Variants in MBTD1 observed in about 807,000 individuals in gnomAD.
MBTD1 encodes the protein MBT domain-containing protein 1.
A neutral mutation model predicts 87.8 loss-of-function variants in MBTD1; 24 were observed. The observed-to-expected ratio is 0.27, with a 90% CI of 0.20 to 0.38. The LOEUF is 0.38. Ranked by LOEUF, MBTD1 falls within the 10% of genes least tolerant of loss-of-function variation. MBTD1 has a pLI of 1.00. For synonymous variants in MBTD1, 237 were observed against 248.6 expected (o/e 0.95, Z 0.44); for missense variants, 436 against 760.2 (o/e 0.57, Z 5.02).
chr17:51,221,858 G>T (rs1405268667), intron 3 of MBTD1, among the ~76,000 whole-genome samples: 4 of 152,184 alleles, frequency 2.6e-5, no homozygotes, highest in Admixed American at 6.5e-5. Flanking sequence ...TTTGGTATCT[G>T]AGGGAAATCT....
At chr17:51,217,271 T>C (rs2052623082) in intron 6 of MBTD1, 63 bp downstream of exon 6, 2 of 915,876 alleles carry the variant, frequency 2.2e-6, no homozygotes, top group African/African-American at 1.7e-5. Context: ...TAGGTGTTAT[T>C]GTACCTTCAG....
In MBTD1 at chr17:51,219,067, A is replaced by T. The variant is rs1318391167; in HGVS notation, c.289-23T>A. ...ACCCTAAAACAAGAAAAGTTAAGTAAATAGGATTCTTTTTCATCCCCTCAC... is the reference window on the plus strand; with the variant it reads ...ACCCTAAAACAAGAAAAGTTAAGTATATAGGATTCTTTTTCATCCCCTCAC... On this transcript the variant is annotated intron_variant, in intron 4 of 16. Coordinates refer to ENST00000586178, the MANE Select transcript of MBTD1 (RefSeq NM_017643.3). 5.5e-6 allele frequency: 7 copies of T among 1,283,714 alleles called. No homozygotes were observed. In the African/African-American group the frequency reaches 1.0e-4, roughly 19 times the overall value. 79.5% of individuals were successfully genotyped at this position (1,283,714 alleles called of 1,614,324 possible).
At chr17:51,247,251 A>G (rs1423309596) in intron 2 of MBTD1, among the ~76,000 whole-genome samples, 1 of 152,206 alleles carries the variant, frequency 6.6e-6, no homozygotes, top group Non-Finnish European at 1.5e-5. Context: ...AGTATGGTGA[A>G]CTACATAAAT....
upstream of MBTD1, chr17:51,260,224 T>C (rs565805727): frequency 2.2e-5 from 9 of 416,952 alleles, no homozygotes; most frequent in South Asian, 3.7e-4. Flanking sequence ...TCAAGTCAAG[T>C]GGTTACAGCC....
At chr17:51,199,249 C>T (rs1044931169) in intron 12 of MBTD1, among the ~76,000 whole-genome samples, 1 of 151,632 alleles carries the variant, frequency 6.6e-6, no homozygotes, top group Admixed American at 6.6e-5. Flanking sequence ...GGTGCCTGGC[C>T]CCAGGCCCAG....
intron 2 of MBTD1, among the ~76,000 whole-genome samples, chr17:51,244,062 C>T (rs898004454): frequency 1.3e-5 from 2 of 152,288 alleles, no homozygotes; most frequent in East Asian, 3.9e-4. Flanking sequence ...CTGTATACTA[C>T]GTATTTCTCC....
intron 2 of MBTD1, among the ~76,000 whole-genome samples, chr17:51,230,942 G>GT (rs1393118312): frequency 4.0e-5 from 6 of 151,734 alleles, no homozygotes; most frequent in South Asian, 4.2e-4. Flanking sequence ...TATACTCATA[G>GT]TTTTTTTTGT....
intron 2 of MBTD1, 34 bp downstream of exon 2, chr17:51,259,109 T>G (rs1057310373): frequency 4.6e-6 from 2 of 437,656 alleles, no homozygotes; most frequent in Non-Finnish European, 7.6e-6. Flanking sequence ...CTCTCAGTGC[T>G]TTTAGGGGTG....
intron 2 of MBTD1, among the ~76,000 whole-genome samples, chr17:51,253,991 T>C (rs1303108100): frequency 6.6e-6 from 1 of 152,158 alleles, no homozygotes. Flanking sequence ...TCAATATGAG[T>C]AAACTCACCA....
In MBTD1 at chr17:51,193,411, C is replaced by T. The variant is rs780437287; in HGVS notation, c.1455+17G>A. ...ATTAATAAGTCCTCACATAATTATG[C>T]TGCCATTTAAATTTACCTTATTAAA... On this transcript the variant is annotated intron_variant, in intron 14 of 16. Transcript: ENST00000586178. 12 of 1,568,170 alleles carry T rather than the reference C, an allele frequency of 7.7e-6. No homozygotes were observed. In the African/African-American group the frequency reaches 1.5e-4, roughly 19 times the overall value.
intron 2 of MBTD1, among the ~76,000 whole-genome samples, chr17:51,233,750 A>T (rs183065849): frequency 1.1e-4 from 17 of 151,950 alleles, no homozygotes; most frequent in East Asian, 7.7e-4. Flanking sequence ...TTAATGATTT[A>T]AAAAAAAATT....
chr17:51,252,044 C>T (rs1448590076), intron 2 of MBTD1, among the ~76,000 whole-genome samples: 1 of 152,184 alleles, frequency 6.6e-6, no homozygotes, highest in African/African-American at 2.4e-5. Context: ...GGATTACAGG[C>T]ATGAGCCACT....
chr17:51,238,217 T>C (rs2053962348), intron 2 of MBTD1, among the ~76,000 whole-genome samples: 1 of 152,074 alleles, frequency 6.6e-6, no homozygotes. Context: ...GCAGTTTAAT[T>C]TTGTCAATTT....
intron 16 of MBTD1, among the ~76,000 whole-genome samples, chr17:51,189,780 C>G (rs1371972679): frequency 6.6e-6 from 1 of 152,226 alleles, no homozygotes; most frequent in Non-Finnish European, 1.5e-5. Context: ...GTGATCATAT[C>G]TGCTATTGTC....
intron 2 of MBTD1, among the ~76,000 whole-genome samples, chr17:51,233,105 C>T (rs2053634619): frequency 9.1e-6 from 1 of 110,226 alleles, no homozygotes; most frequent in Non-Finnish European, 1.9e-5. Context: ...AGAGAGAGAA[C>T]ATGAATTCAC....
intron 16 of MBTD1, among the ~76,000 whole-genome samples, chr17:51,187,207 T>C (rs908987634): frequency 5.3e-5 from 8 of 152,042 alleles, no homozygotes; most frequent in Non-Finnish European, 1.0e-4. Flanking sequence ...AGAATGAGGA[T>C]GGCTTCAGGC....
intron 2 of MBTD1, among the ~76,000 whole-genome samples, chr17:51,239,259 C>A (rs1164806785): frequency 6.6e-6 from 1 of 152,136 alleles, no homozygotes; most frequent in African/African-American, 2.4e-5. Flanking sequence ...TCAACTAATA[C>A]ACTTTTTATT....
intron 16 of MBTD1, chr17:51,185,421 G>A (rs2050490706): frequency 6.6e-6 from 1 of 152,110 alleles, no homozygotes; most frequent in African/African-American, 2.4e-5. Flanking sequence ...CCTTACAATC[G>A]ACTACCTTGG....
intron 2 of MBTD1, among the ~76,000 whole-genome samples, chr17:51,243,657 G>A (rs547035015): frequency 4.0e-4 from 61 of 152,084 alleles, no homozygotes; most frequent in African/African-American, 1.4e-3. Context: ...TTAAAAAGTC[G>A]TATCTATCTC....
Sources: gnomAD v4.1 joint callset for allele counts (sites outside exome capture counted in the v4.1 genomes callset) on GRCh38, gnomAD v4.1.1 for gene constraint, MANE v1.5 for transcripts, NCBI Gene and HGNC (gene_info 2026-07-23, HGNC 2026-07-21) for gene names.